TLK1: variants seen among roughly 807,000 people sequenced by gnomAD.
TLK1 encodes the protein serine/threonine-protein kinase tousled-like 1.
In TLK1, 24 loss-of-function variants were observed where a neutral mutation model predicts 105.3. The observed-to-expected ratio is 0.23, with a 90% CI of 0.17 to 0.32. TLK1 has a LOEUF of 0.32. Among genes scored for constraint, TLK1 ranks in the 10% least tolerant of loss-of-function variants. The pLI is 1.00. For synonymous variants in TLK1, 321 were observed against 310.4 expected (o/e 1.03, Z -0.36); for missense variants, 558 against 910.5 (o/e 0.61, Z 4.98).
intron 1 of TLK1, among the ~76,000 whole-genome samples, chr2:171,171,888 A>G (rs1692736086): frequency 6.6e-6 from 1 of 152,204 alleles, no homozygotes; most frequent in Non-Finnish European, 1.5e-5. Context: ...TGAAATGTCC[A>G]TATCTGTGAT....
At chr2:171,078,114 T>C (rs1377108712) in intron 3 of TLK1, among the ~76,000 whole-genome samples, 3 of 152,242 alleles carry the variant, frequency 2.0e-5, no homozygotes, top group Non-Finnish European at 4.4e-5. Context: ...ACACTTGTTA[T>C]CTTCCTTCTG....
chr2:170,994,662 T>G (rs1434449174), intron 20 of TLK1: 4 of 516,562 alleles, frequency 7.7e-6, no homozygotes, highest in Non-Finnish European at 1.5e-5. Flanking sequence ...AAAGAACCTC[T>G]GAATCCCCCT....
At chr2:171,209,717 A>G (rs988267068) in intron 1 of TLK1, among the ~76,000 whole-genome samples, 4 of 152,120 alleles carry the variant, frequency 2.6e-5, no homozygotes, top group Admixed American at 6.5e-5. Flanking sequence ...GAGTCCTTAT[A>G]AGAAGAGGAA....
chr2:171,122,320 CA>C (rs1317080316), intron 1 of TLK1, among the ~76,000 whole-genome samples: 4 of 152,158 alleles, frequency 2.6e-5, no homozygotes, highest in African/African-American at 9.7e-5. Context: ...TAATTCCTGG[CA>C]CATAATAGGT....
rs866391856 is a variant in TLK1 at position 171,160,041 on chromosome 2, C to T, written c.139+249G>A. Among the ~76,000 whole-genome samples, 1 of 152,156 alleles carries T rather than the reference C, an allele frequency of 6.6e-6. No individual in the cohort carries two copies. The highest frequency in any genetic ancestry group is 1.5e-5 in the Non-Finnish European group (1 of 67,998). On this transcript the variant is annotated intron_variant, in intron 1 of 20. Transcript: ENST00000431350. The surrounding 1 kb of genome is among the most constrained non-coding windows in gnomAD (Gnocchi z 4.4). Reference sequence around the variant, plus strand: ...CAGGAACCCCAGGCGAGTCTATGCGCCTCGCCCCGTCCCCACCAGCGCGCA... The same window carrying T: ...CAGGAACCCCAGGCGAGTCTATGCGTCTCGCCCCGTCCCCACCAGCGCGCA...
intron 1 of TLK1, among the ~76,000 whole-genome samples, chr2:171,143,563 G>A (rs867252854): frequency 7.8e-6 from 1 of 128,006 alleles, no homozygotes; most frequent in African/African-American, 2.9e-5. Flanking sequence ...AAAAAAAGGT[G>A]GGGGAGGTGG....
chr2:171,193,746 T>G (rs111902915), intron 1 of TLK1, among the ~76,000 whole-genome samples: 13,129 of 130,744 alleles, frequency 0.1, 1,021 homozygotes, highest in African/African-American at 0.21. Flanking sequence ...ACAGGGTTTC[T>G]CTCTTGTTGC....
At chr2:171,159,685 G>GAGTC (rs1692376615) in intron 1 of TLK1, 1 of 152,280 alleles carries the variant, frequency 6.6e-6, no homozygotes, top group South Asian at 2.1e-4. Flanking sequence ...GCCTGCCCAC[G>GAGTC]AGTCAGTCTG....
At chr2:171,038,733 T>C (rs897427710) in intron 11 of TLK1, among the ~76,000 whole-genome samples, 1 of 152,306 alleles carries the variant, frequency 6.6e-6, no homozygotes. Context: ...CCTGTGAAAT[T>C]TGCCGAGGCT....
At chr2:171,193,400 GTT>G (rs548997754) in intron 1 of TLK1, among the ~76,000 whole-genome samples, 2 of 138,734 alleles carry the variant, frequency 1.4e-5, no homozygotes, top group Admixed American at 7.2e-5. Context: ...TTAGTTTTTC[GTT>G]TTTTTTTTTT....
At chr2:171,061,751 T>C (rs923484843) in intron 3 of TLK1, among the ~76,000 whole-genome samples, 2 of 152,246 alleles carry the variant, frequency 1.3e-5, no homozygotes, top group African/African-American at 2.4e-5. Flanking sequence ...ACCTGTTCTG[T>C]ATGATCGAAC....
intron 2 of TLK1, among the ~76,000 whole-genome samples, chr2:171,116,389 T>C (rs370322266): frequency 1.3e-5 from 2 of 152,102 alleles, no homozygotes; most frequent in African/African-American, 4.8e-5. Flanking sequence ...CCCAACAACC[T>C]AACAAGCATA....
rs57676904 is a variant in TLK1 at position 171,003,978 on chromosome 2, G to A, written c.1904+2169C>T. ...TTTTCAGTATTTTTTTTTTCGAGAC[G>A]GAGTCTTGCTCTGTCGCCCAGGCAG... On this transcript the variant is annotated intron_variant, in intron 18 of 20. Coordinates refer to ENST00000431350, the MANE Select transcript of TLK1 (RefSeq NM_012290.5). Among the ~76,000 whole-genome samples the A allele has an allele frequency of 9.0e-3, 1,358 of 151,036 alleles. 22 individuals carry two copies. The highest frequency in any genetic ancestry group is 0.03 in the African/African-American group (1,223 of 41,178).
intron 1 of TLK1, among the ~76,000 whole-genome samples, chr2:171,148,188 C>A (rs899425688): frequency 1.3e-5 from 2 of 152,198 alleles, no homozygotes; most frequent in African/African-American, 2.4e-5. Flanking sequence ...CCACACCCAG[C>A]AGCAGCTGCA....
At chr2:171,017,510 A>G (rs1204993798) in intron 12 of TLK1, among the ~76,000 whole-genome samples, 2 of 151,700 alleles carry the variant, frequency 1.3e-5, no homozygotes, top group African/African-American at 2.4e-5. Context: ...TTACTGAGTC[A>G]TAAATAAGTA....
intron 5 of TLK1, among the ~76,000 whole-genome samples, chr2:171,057,049 A>G (rs2105440484): frequency 6.6e-6 from 1 of 152,194 alleles, no homozygotes; most frequent in South Asian, 2.1e-4. Context: ...AAAAAGAATT[A>G]TAATAGGTCC....
chr2:171,203,631 T>C (rs1321717153), intron 1 of TLK1, among the ~76,000 whole-genome samples: 1 of 152,244 alleles, frequency 6.6e-6, no homozygotes, highest in Non-Finnish European at 1.5e-5. Flanking sequence ...TTGGCTACTG[T>C]AAATAATGCT....
chr2:171,184,005 G>A (rs183774097), intron 1 of TLK1, among the ~76,000 whole-genome samples: 9 of 152,302 alleles, frequency 5.9e-5, no homozygotes, highest in Non-Finnish European at 1.0e-4. Flanking sequence ...GATTATCCCA[G>A]ATTGTCTGGG....
At chr2:171,077,799 T>C (rs1286486118) in intron 3 of TLK1, among the ~76,000 whole-genome samples, 1 of 152,214 alleles carries the variant, frequency 6.6e-6, no homozygotes, top group Non-Finnish European at 1.5e-5. Flanking sequence ...TGTAAAAGAA[T>C]ACAAATGAAT....
Sources: gnomAD v4.1 joint callset for allele counts (sites outside exome capture counted in the v4.1 genomes callset) on GRCh38, gnomAD v4.1.1 for gene constraint, Gnocchi (gnomAD v3.1) non-coding constraint, MANE v1.5 for transcripts, NCBI Gene and HGNC (gene_info 2026-07-23, HGNC 2026-07-21) for gene names.